Variants in METTL15 observed in about 807,000 individuals in gnomAD.
METTL15 encodes methyltransferase 15, mitochondrial 12S rRNA N4-cytidine.
METTL15 carries 34 observed loss-of-function variants against 38.3 expected under a neutral mutation model. That is an observed-to-expected ratio of 0.89 (90% CI 0.68 to 1.18). METTL15 has a LOEUF of 1.18. Among genes scored for constraint, METTL15 ranks in the 50% most tolerant of loss-of-function variants. METTL15 has a pLI of 0.00. For synonymous variants in METTL15, 162 were observed against 170.9 expected (o/e 0.95, Z 0.41); for missense variants, 438 against 498.4 (o/e 0.88, Z 1.15).
intron 6 of METTL15, among the ~76,000 whole-genome samples, chr11:28,511,991 T>A (rs927877627): frequency 1.3e-5 from 2 of 151,986 alleles, no homozygotes; most frequent in Non-Finnish European, 2.9e-5. Flanking sequence ...GTTCTCCACG[T>A]CCCCACTAGA....
chr11:28,285,362 A>AT (rs34972962), intron 4 of METTL15, among the ~76,000 whole-genome samples: 16,896 of 144,684 alleles, frequency 0.12, 1,474 homozygotes, highest in East Asian at 0.36. Flanking sequence ...ACATCATGAG[A>AT]TTTTTTTTTT....
intron 5 of METTL15, among the ~76,000 whole-genome samples, chr11:28,390,754 A>C (rs1850496944): frequency 6.6e-6 from 1 of 152,072 alleles, no homozygotes; most frequent in South Asian, 2.1e-4. Flanking sequence ...AGTTTTTTCC[A>C]ATTGTGTGAA....
chr11:28,205,265 C>T (rs1288904634), intron 3 of METTL15, among the ~76,000 whole-genome samples: 2 of 139,556 alleles, frequency 1.4e-5, no homozygotes, highest in Middle Eastern at 3.4e-3. Context: ...CCTCCCCCTA[C>T]CCCACAACAG....
At chr11:28,192,850 T>G (rs1006130225) in intron 3 of METTL15, among the ~76,000 whole-genome samples, 1 of 152,120 alleles carries the variant, frequency 6.6e-6, no homozygotes, top group Non-Finnish European at 1.5e-5. Context: ...AATCCCAGAT[T>G]AGCTGTTTCT....
chr11:28,334,217 A>G (rs1022046467), downstream of METTL15, among the ~76,000 whole-genome samples: 13 of 152,024 alleles, frequency 8.6e-5, no homozygotes, highest in African/African-American at 3.1e-4. Flanking sequence ...TCACATTGGT[A>G]TGTAAATTTG....
intron 3 of METTL15, among the ~76,000 whole-genome samples, chr11:28,210,474 A>G (rs146964182): frequency 1.3e-5 from 2 of 151,608 alleles, no homozygotes; most frequent in African/African-American, 4.8e-5. Flanking sequence ...AGGTATTTTG[A>G]CTTGAAAAGC....
chr11:28,153,449 G>A (rs1302847041), intron 3 of METTL15, among the ~76,000 whole-genome samples: 1 of 152,006 alleles, frequency 6.6e-6, no homozygotes, highest in Non-Finnish European at 1.5e-5. Flanking sequence ...TTTGATCCTT[G>A]GTTAGTTGAA....
At chr11:28,209,289 G>A (rs781571321) in intron 3 of METTL15, among the ~76,000 whole-genome samples, 5 of 151,920 alleles carry the variant, frequency 3.3e-5, no homozygotes, top group African/African-American at 4.8e-5. Context: ...CCCATGACAA[G>A]GAAGTAGTTT....
rs536287560 is a variant in METTL15 at position 28,390,893 on chromosome 11, G to C, written c.*358+28857G>C. On this transcript the variant is annotated intron_variant and NMD_transcript_variant, in intron 5 of 7. Coordinates refer to the METTL15 transcript ENST00000532947. ...ATGTTCTTCCATTTGTTTGTATCCT[G>C]TTTTATTTCATTGAGCAGTGGTTTG... Among the ~76,000 whole-genome samples the C allele has an allele frequency of 5.3e-5, 8 of 152,090 alleles. No homozygotes were observed. In the East Asian group the frequency reaches 1.2e-3, roughly 22 times the overall value.
At chr11:28,443,852 G>C (rs950958420) in intron 6 of METTL15, among the ~76,000 whole-genome samples, 3 of 152,164 alleles carry the variant, frequency 2.0e-5, no homozygotes, top group African/African-American at 7.2e-5. Flanking sequence ...GACTAATGTA[G>C]TAGTTTTATA....
chr11:28,456,373 C>T (rs1851168988), intron 6 of METTL15, among the ~76,000 whole-genome samples: 1 of 151,900 alleles, frequency 6.6e-6, no homozygotes, highest in Non-Finnish European at 1.5e-5. Context: ...GTCTCTTGAC[C>T]GATATTTTGC....
chr11:28,439,956 A>G (rs1461645106), intron 6 of METTL15, among the ~76,000 whole-genome samples: 1 of 152,160 alleles, frequency 6.6e-6, no homozygotes, highest in Non-Finnish European at 1.5e-5. Flanking sequence ...ACTGTCTTCA[A>G]GGCTGCTCCT....
chr11:28,235,817 G>C (rs983947679), intron 4 of METTL15, among the ~76,000 whole-genome samples: 1 of 152,080 alleles, frequency 6.6e-6, no homozygotes, highest in Admixed American at 6.6e-5. Context: ...CTGCCTCATT[G>C]CCCTGGCCAG....
chr11:28,380,194 G>A (rs942428199), intron 5 of METTL15, among the ~76,000 whole-genome samples: 4 of 131,240 alleles, frequency 3.0e-5, no homozygotes, highest in African/African-American at 1.1e-4. Flanking sequence ...TTGAGATGGA[G>A]TCTCACTCTG....
intron 5 of METTL15, among the ~76,000 whole-genome samples, chr11:28,407,313 G>C (rs776700216): frequency 1.3e-5 from 2 of 152,052 alleles, no homozygotes; most frequent in Non-Finnish European, 2.9e-5. Flanking sequence ...CTGACAAATG[G>C]GATCTAATTA....
chr11:28,136,644 A>G (rs779719399), intron 3 of METTL15, among the ~76,000 whole-genome samples: 3 of 152,144 alleles, frequency 2.0e-5, no homozygotes, highest in Non-Finnish European at 2.9e-5. Flanking sequence ...TTATTCATTA[A>G]AATATAACCT....
At chr11:28,432,758 A>G (rs1185787663) in intron 6 of METTL15, among the ~76,000 whole-genome samples, 1 of 152,196 alleles carries the variant, frequency 6.6e-6, no homozygotes, top group African/African-American at 2.4e-5. Flanking sequence ...GACATATTCA[A>G]TGAATTCTCA....
chr11:28,142,724 T>A (rs141040546), intron 3 of METTL15, among the ~76,000 whole-genome samples: 7 of 152,276 alleles, frequency 4.6e-5, no homozygotes, highest in African/African-American at 1.7e-4. Context: ...TATTTGGTCT[T>A]TAAAAGCTGT....
intron 6 of METTL15, among the ~76,000 whole-genome samples, chr11:28,502,567 A>G (rs1413578870): frequency 2.0e-5 from 3 of 152,258 alleles, no homozygotes; most frequent in Non-Finnish European, 2.9e-5. Flanking sequence ...GCAGCTTTGA[A>G]GAAAGAGGAA....
Sources: allele counts gnomAD v4.1 joint callset (sites outside exome capture counted in the v4.1 genomes callset), GRCh38; gene constraint gnomAD v4.1.1; transcripts MANE v1.5; gene names NCBI Gene and HGNC (gene_info 2026-07-23, HGNC 2026-07-21).